AKAP19: variants seen among roughly 807,000 people sequenced by gnomAD.
The protein encoded by AKAP19 is small A-kinase anchoring protein.
the AKAP19 span, among the ~76,000 whole-genome samples, chr2:190,133,572 C>G: frequency 6.6e-6 from 1 of 152,132 alleles, no homozygotes; most frequent in Admixed American, 6.5e-5. Context: ...TATCTGCACC[C>G]CTATGTTCAT....
At chr2:189,904,968 A>G in the AKAP19 span, among the ~76,000 whole-genome samples, 653 of 152,122 alleles carry the variant, frequency 4.3e-3, 2 homozygotes, top group African/African-American at 0.014. Flanking sequence ...TACCACTAAG[A>G]GAATGTATAT....
At chr2:190,195,249 A>G in the AKAP19 span, among the ~76,000 whole-genome samples, 4 of 152,332 alleles carry the variant, frequency 2.6e-5, no homozygotes, top group Admixed American at 1.3e-4. Flanking sequence ...GCTTGCTTCT[A>G]AGTTTTCAAA....
chr2:189,989,962 C>T, the AKAP19 span, among the ~76,000 whole-genome samples: 1 of 152,152 alleles, frequency 6.6e-6, no homozygotes, highest in African/African-American at 2.4e-5. Context: ...TCAATGCAAC[C>T]CCTATTAAAA....
the AKAP19 span, among the ~76,000 whole-genome samples, chr2:190,174,123 C>A: frequency 2.0e-5 from 3 of 152,150 alleles, no homozygotes; most frequent in Non-Finnish European, 4.4e-5. Flanking sequence ...CCAACCCTAG[C>A]CAATAGGGGA....
chr2:190,015,359 G>T, the AKAP19 span, among the ~76,000 whole-genome samples: 1,803 of 152,268 alleles, frequency 0.012, 109 homozygotes, highest in East Asian at 0.17. Context: ...AAGGTTTGGG[G>T]CTTATACCCT....
At chr2:189,981,527 G>T in the AKAP19 span, among the ~76,000 whole-genome samples, 2 of 152,120 alleles carry the variant, frequency 1.3e-5, no homozygotes, top group African/African-American at 2.4e-5. Flanking sequence ...TACATGTGAG[G>T]TTTTGTTCCT....
At chr2:190,133,630 A>C in the AKAP19 span, among the ~76,000 whole-genome samples, 1 of 152,238 alleles carries the variant, frequency 6.6e-6, no homozygotes, top group East Asian at 1.9e-4. Flanking sequence ...CTAAGTGTTC[A>C]TCAACAGATG....
At chr2:190,152,208 GA>G in the AKAP19 span, among the ~76,000 whole-genome samples, 4 of 152,088 alleles carry the variant, frequency 2.6e-5, no homozygotes, top group African/African-American at 7.2e-5. Context: ...GTCTTCCCAT[GA>G]TTCTAATAAA....
chr2:189,902,392 G>T, the AKAP19 span, among the ~76,000 whole-genome samples: 4,496 of 151,920 alleles, frequency 0.03, 220 homozygotes, highest in African/African-American at 0.1. Flanking sequence ...ATTAATATGA[G>T]AATTAAGAAG....
At chr2:190,081,566 C>G in the AKAP19 span, among the ~76,000 whole-genome samples, 4 of 152,174 alleles carry the variant, frequency 2.6e-5, no homozygotes, top group Non-Finnish European at 5.9e-5. Context: ...TGCATGACTC[C>G]TGTGCATACA....
At chr2:189,906,131 T>A in the AKAP19 span, among the ~76,000 whole-genome samples, 1 of 152,094 alleles carries the variant, frequency 6.6e-6, no homozygotes, top group Non-Finnish European at 1.5e-5. Context: ...TAAGTCATTA[T>A]GTGAGGACAA....
At chr2:189,923,304 C>T in the AKAP19 span, 3 of 1,591,752 alleles carry the variant, frequency 1.9e-6, no homozygotes, top group African/African-American at 2.7e-5. Flanking sequence ...TTCTTGTTTT[C>T]GGCTTTGTGA....
At chr2:189,922,330 A>G in the AKAP19 span, among the ~76,000 whole-genome samples, 1 of 152,250 alleles carries the variant, frequency 6.6e-6, no homozygotes, top group Non-Finnish European at 1.5e-5. Context: ...AAGAAAAACA[A>G]TTCTGGCTAC....
the AKAP19 span, among the ~76,000 whole-genome samples, chr2:190,003,422 TTA>T: frequency 2.0e-5 from 3 of 152,158 alleles, no homozygotes; most frequent in Non-Finnish European, 4.4e-5. Flanking sequence ...ACTTTTGCAT[TTA>T]TATGAGTCTT....
At chr2:190,160,344 T>G in the AKAP19 span, among the ~76,000 whole-genome samples, 1 of 152,190 alleles carries the variant, frequency 6.6e-6, no homozygotes, top group Non-Finnish European at 1.5e-5. Flanking sequence ...TAAGATTTTT[T>G]TTTTAACCAT....
the AKAP19 span, among the ~76,000 whole-genome samples, chr2:190,096,969 C>A: frequency 6.6e-6 from 1 of 152,166 alleles, no homozygotes; most frequent in Admixed American, 6.5e-5. Flanking sequence ...CCTCTTGATA[C>A]TGTTACACTG....
At chr2:189,951,694 A>G in the AKAP19 span, among the ~76,000 whole-genome samples, 1 of 152,224 alleles carries the variant, frequency 6.6e-6, no homozygotes, top group African/African-American at 2.4e-5. Context: ...CTAAAAGTCT[A>G]AAGTTAGAGA....
chr2:190,032,197 T>A, the AKAP19 span, among the ~76,000 whole-genome samples: 4 of 152,194 alleles, frequency 2.6e-5, no homozygotes, highest in African/African-American at 9.6e-5. Flanking sequence ...TTTATAAGAA[T>A]TGTAAATTTA....
At chr2:190,174,748 C>T in the AKAP19 span, among the ~76,000 whole-genome samples, 1 of 152,150 alleles carries the variant, frequency 6.6e-6, no homozygotes, top group East Asian at 1.9e-4. Context: ...TGACTTTTAA[C>T]AATGTCTTAT....
Sources: allele counts gnomAD v4.1 joint callset (sites outside exome capture counted in the v4.1 genomes callset), GRCh38; gene constraint gnomAD v4.1.1; transcripts MANE v1.5; gene names NCBI Gene and HGNC (gene_info 2026-07-23, HGNC 2026-07-21).